GALNTL6: variants seen among roughly 807,000 people sequenced by gnomAD.
GALNTL6 encodes polypeptide N-acetylgalactosaminyltransferase-like 6.
A neutral mutation model predicts 73.7 loss-of-function variants in GALNTL6; 46 were observed. The observed-to-expected ratio is 0.62, with a 90% CI of 0.49 to 0.80. The LOEUF (loss-of-function observed/expected upper bound fraction) is 0.80, where lower values mean the gene tolerates loss of function less well. Ranked by LOEUF, GALNTL6 falls within the 30% of genes least tolerant of loss-of-function variation. The pLI is 0.00. For missense variants in GALNTL6, 604 were observed against 755.0 expected, an observed-to-expected ratio of 0.80 and a Z score of 2.34; for synonymous variants, 259 against 263.7, an observed-to-expected ratio of 0.98 and a Z score of 0.17.
chr4:172,380,000 G>A (rs1743220140), intron 5 of GALNTL6: 3 of 878,932 alleles, frequency 3.4e-6, no homozygotes, highest in South Asian at 2.7e-5. Context: ...AACAGGAGAA[G>A]TGATGCATAC....
At chr4:172,773,011 G>A (rs548339440) in intron 5 of GALNTL6, among the ~76,000 whole-genome samples, 16 of 152,248 alleles carry the variant, frequency 1.1e-4, no homozygotes, top group African/African-American at 2.6e-4. Flanking sequence ...GGAGAGGAAC[G>A]GAACCTCCCT....
chr4:171,923,422 G>A (rs1179133271), intron 2 of GALNTL6, among the ~76,000 whole-genome samples: 1 of 144,484 alleles, frequency 6.9e-6, no homozygotes, highest in African/African-American at 2.7e-5. Flanking sequence ...TTTTGAGACG[G>A]AGTCTCGCTT....
rs1178908443 is a variant in GALNTL6, at chr4:172,473,285, GTTATTTT to G, written c.553+124599_553+124605del. Among the ~76,000 whole-genome samples, 4 of 152,264 alleles carry G rather than the reference GTTATTTT, an allele frequency of 2.6e-5. No homozygotes were observed. The East Asian group carries it at 7.7e-4, about 29-fold the overall frequency. On this transcript the variant is annotated intron_variant, in intron 5 of 12. Transcript: ENST00000506823. Reference sequence around the variant, plus strand: ...GGCTCACTCAGCATATAAGGCTGCTGTTATTTTTTCTCATTTTTAAAATCAACAAACA... The same window carrying G: ...GGCTCACTCAGCATATAAGGCTGCTGTTCTCATTTTTAAAATCAACAAACA...
At chr4:172,853,536 AC>A (rs1008744542) in intron 7 of GALNTL6, among the ~76,000 whole-genome samples, 51 of 152,226 alleles carry the variant, frequency 3.4e-4, no homozygotes, top group African/African-American at 1.2e-3. Flanking sequence ...AGGCTTTCGT[AC>A]TGATTCTTGC....
chr4:172,082,305 G>A (rs922848408), intron 2 of GALNTL6, among the ~76,000 whole-genome samples: 6 of 152,292 alleles, frequency 3.9e-5, no homozygotes, highest in East Asian at 1.9e-4. Flanking sequence ...AATAACAGAA[G>A]CCTAGGTTTT....
chr4:172,558,792 A>T (rs2110919251), intron 5 of GALNTL6, among the ~76,000 whole-genome samples: 1 of 152,276 alleles, frequency 6.6e-6, no homozygotes, highest in African/African-American at 2.4e-5. Context: ...AATAGAAAAG[A>T]GTGGTCATTA....
intron 2 of GALNTL6, among the ~76,000 whole-genome samples, chr4:171,974,052 T>C (rs1324970380): frequency 6.6e-6 from 1 of 152,098 alleles, no homozygotes; most frequent in East Asian, 1.9e-4. Context: ...CAGGCTGGAG[T>C]GCAGTGGCGA....
chr4:172,354,332 C>G (rs1742074962), intron 5 of GALNTL6, among the ~76,000 whole-genome samples: 1 of 151,966 alleles, frequency 6.6e-6, no homozygotes, highest in Admixed American at 6.6e-5. Flanking sequence ...TGTTTAGTAG[C>G]AGGAACTAAG....
chr4:172,829,167 G>A (rs1043522908), intron 7 of GALNTL6, among the ~76,000 whole-genome samples: 9 of 152,280 alleles, frequency 5.9e-5, no homozygotes, highest in East Asian at 3.9e-4. Flanking sequence ...CAAGATATTC[G>A]CCATCCACCT....
rs567020593 is a variant in GALNTL6, at chr4:172,377,725, G to A, written c.553+29036G>A. 5.1e-4 allele frequency among the ~76,000 whole-genome samples: 78 copies of A among 152,232 alleles called. 1 individual carries two copies. Among genetic ancestry groups the A allele is most frequent in the Middle Eastern group, 6.8e-3 (2 of 294 alleles). On this transcript the variant is annotated intron_variant, in intron 5 of 12. Coordinates refer to ENST00000506823, the MANE Select transcript of GALNTL6 (RefSeq NM_001034845.3). Reference sequence around the variant, plus strand: ...CTGGCAAGAATTCTAGTGCGGCACGGGTAGGCTGGCAGTGCTGGGGTACCT... The same window carrying A: ...CTGGCAAGAATTCTAGTGCGGCACGAGTAGGCTGGCAGTGCTGGGGTACCT...
intron 5 of GALNTL6, among the ~76,000 whole-genome samples, chr4:172,757,945 G>A (rs962707808): frequency 6.6e-6 from 1 of 152,166 alleles, no homozygotes; most frequent in Non-Finnish European, 1.5e-5. Flanking sequence ...TAAGCATTCT[G>A]CCGAAGTTCT....
rs138589648 is a variant in GALNTL6, at chr4:172,171,366, A to G, written c.139-58290A>G. Among the ~76,000 whole-genome samples the G allele has an allele frequency of 9.9e-3, 1,505 of 152,336 alleles. 29 individuals carry two copies. The highest frequency in any genetic ancestry group is 0.035 in the African/African-American group (1,438 of 41,570). On this transcript the variant is annotated intron_variant, in intron 2 of 12. Transcript: ENST00000506823. The stretch of plus-strand genomic sequence containing the variant: ...TATTGCAGGAATTAAATAGTATCAT[A>G]AAAATATAATTTCACGTGACATAAA...
rs1204922050 is a variant in GALNTL6 at position 172,069,251 on chromosome 4, C to T, written c.139-160405C>T. 3.7e-5 allele frequency among the ~76,000 whole-genome samples: 4 copies of T among 107,250 alleles called. 2 individuals are homozygous for T. Among genetic ancestry groups the T allele is most frequent in the African/African-American group, 1.4e-4 (4 of 28,494 alleles). The allele number at this position is 107,250 out of a possible 152,430, so 70.4% of individuals were successfully genotyped here. ...GATGATTAATGTCTGCCATATTCCACCAGCATTTAGAACAATTCTTAAAAC... is the reference window on the plus strand; with the variant it reads ...GATGATTAATGTCTGCCATATTCCATCAGCATTTAGAACAATTCTTAAAAC... On this transcript the variant is annotated intron_variant, in intron 2 of 12. Transcript: ENST00000506823.
At chr4:171,997,762 AGTT>A (rs971966373) in intron 2 of GALNTL6, among the ~76,000 whole-genome samples, 3 of 152,100 alleles carry the variant, frequency 2.0e-5, no homozygotes, top group African/African-American at 7.2e-5. Context: ...GGAGAGGGGT[AGTT>A]GTTGGGAGTG....
At chr4:172,204,293 T>C (rs1190617782) in intron 2 of GALNTL6, among the ~76,000 whole-genome samples, 1 of 152,180 alleles carries the variant, frequency 6.6e-6, no homozygotes, top group Non-Finnish European at 1.5e-5. Flanking sequence ...AACTGAAAGG[T>C]AGTTTGCTCA....
intron 5 of GALNTL6, among the ~76,000 whole-genome samples, chr4:172,546,754 A>G (rs148929095): frequency 5.2e-5 from 2 of 38,336 alleles, no homozygotes; most frequent in East Asian, 1.1e-3. Context: ...TTTTGGACTC[A>G]GGGCCTTATT....
At chr4:172,740,026 G>A (rs548656597) in intron 5 of GALNTL6, among the ~76,000 whole-genome samples, 1 of 151,642 alleles carries the variant, frequency 6.6e-6, no homozygotes, top group East Asian at 1.9e-4. Flanking sequence ...CAAAGCCTTT[G>A]TAGGGACTTC....
At chr4:172,216,600 A>G (rs1386687253) in intron 2 of GALNTL6, among the ~76,000 whole-genome samples, 1 of 151,936 alleles carries the variant, frequency 6.6e-6, no homozygotes, top group African/African-American at 2.4e-5. Context: ...GTTTTGTGTC[A>G]CTCATTAATT....
chr4:172,278,039 T>C (rs1334464449), intron 3 of GALNTL6, among the ~76,000 whole-genome samples: 1 of 152,142 alleles, frequency 6.6e-6, no homozygotes, highest in Non-Finnish European at 1.5e-5. Flanking sequence ...GCAATTTCTC[T>C]CTATATTTTA....
Sources: allele counts gnomAD v4.1 joint callset (sites outside exome capture counted in the v4.1 genomes callset), GRCh38; gene constraint gnomAD v4.1.1; transcripts MANE v1.5; gene names NCBI Gene and HGNC (gene_info 2026-07-23, HGNC 2026-07-21).